The following GPC5 variants were observed in gnomAD, a reference collection of about 807,000 sequenced individuals.
The protein encoded by GPC5 is glypican 5.
A neutral mutation model predicts 53.9 loss-of-function variants in GPC5; 47 were observed. That is an observed-to-expected ratio of 0.87 (90% CI 0.69 to 1.11). GPC5 has a LOEUF of 1.11. Among genes scored for constraint, GPC5 ranks in the 50% most tolerant of loss-of-function variants. The pLI is 0.00. For synonymous variants in GPC5, 286 were observed against 263.3 expected, an observed-to-expected ratio of 1.09 and a Z score of -0.84; for missense variants, 748 against 713.1, an observed-to-expected ratio of 1.05 and a Z score of -0.56.
chr13:92,830,829 G>A (rs1390927106), intron 7 of GPC5, among the ~76,000 whole-genome samples: 1 of 152,116 alleles, frequency 6.6e-6, no homozygotes, highest in African/African-American at 2.4e-5. Context: ...TTTTTAAAAT[G>A]TGGTTAATCT....
At chr13:92,448,236 C>T (rs920576719) in intron 7 of GPC5, 4 of 151,904 alleles carry the variant, frequency 2.6e-5, no homozygotes, top group African/African-American at 9.7e-5. Context: ...ACTTTTTATT[C>T]ATCTTGGTTT....
chr13:92,050,523 G>C (rs894876063), intron 6 of GPC5, among the ~76,000 whole-genome samples: 3 of 152,170 alleles, frequency 2.0e-5, no homozygotes, highest in East Asian at 1.9e-4. Context: ...ATTTGTTTGA[G>C]ATCAGTGCCA....
intron 2 of GPC5, among the ~76,000 whole-genome samples, chr13:91,592,978 A>G (rs141580160): frequency 7.9e-5 from 12 of 152,302 alleles, no homozygotes; most frequent in Non-Finnish European, 1.6e-4. Context: ...GCCCCTGTCT[A>G]TGCTCTCCTG....
intron 7 of GPC5, among the ~76,000 whole-genome samples, chr13:92,174,020 A>T (rs935564408): frequency 6.6e-6 from 1 of 152,048 alleles, no homozygotes; most frequent in Non-Finnish European, 1.5e-5. Flanking sequence ...TGGGAGGATC[A>T]CTTGAGTCCA....
At chr13:92,304,211 T>C (rs924907283) in intron 7 of GPC5, among the ~76,000 whole-genome samples, 2 of 151,718 alleles carry the variant, frequency 1.3e-5, no homozygotes, top group Admixed American at 1.3e-4. Context: ...TTCTTTTTTT[T>C]TTTTTCTTTT....
chr13:92,626,727 G>A (rs1885058526), intron 7 of GPC5, among the ~76,000 whole-genome samples: 1 of 152,132 alleles, frequency 6.6e-6, no homozygotes, highest in African/African-American at 2.4e-5. Flanking sequence ...ATATACATGT[G>A]TAATTATAAT....
chr13:92,828,155 G>A (rs1877916864), intron 7 of GPC5, among the ~76,000 whole-genome samples: 1 of 152,072 alleles, frequency 6.6e-6, no homozygotes, highest in Non-Finnish European at 1.5e-5. Flanking sequence ...AATGCTATCT[G>A]TCCATCCCCC....
At chr13:92,739,640 C>T (rs1337591678) in intron 7 of GPC5, among the ~76,000 whole-genome samples, 1 of 151,516 alleles carries the variant, frequency 6.6e-6, no homozygotes, top group Non-Finnish European at 1.5e-5. Context: ...CGTCATCTCT[C>T]TTCAGCAACA....
At chr13:91,927,990 A>G (rs1433708197) in intron 6 of GPC5, among the ~76,000 whole-genome samples, 1 of 152,228 alleles carries the variant, frequency 6.6e-6, no homozygotes, top group Non-Finnish European at 1.5e-5. Flanking sequence ...ATCAAAATCA[A>G]TAAATAGATT....
intron 7 of GPC5, among the ~76,000 whole-genome samples, chr13:92,541,660 A>G (rs1461553575): frequency 2.6e-5 from 4 of 151,820 alleles, no homozygotes; most frequent in African/African-American, 9.7e-5. Context: ...TTCTGTTATG[A>G]AAAGTGTTTT....
chr13:91,526,719 A>G (rs1313304310), intron 2 of GPC5, among the ~76,000 whole-genome samples: 1 of 152,178 alleles, frequency 6.6e-6, no homozygotes. Context: ...ACTGTTATAA[A>G]GAACTGCCTG....
rs369574137 is a variant in GPC5 at position 92,614,532 on chromosome 13, C to T, written c.1562-251750C>T. ...CAAACCAGAGTAAGTTGGAGATCATCTGTATTGACATTTCAGGTCACTTGG... is the reference window on the plus strand; with the variant it reads ...CAAACCAGAGTAAGTTGGAGATCATTTGTATTGACATTTCAGGTCACTTGG... On this transcript the variant is annotated intron_variant, in intron 7 of 7. Transcript: ENST00000377067. Among the ~76,000 whole-genome samples the T allele has an allele frequency of 1.5e-4, 23 of 152,268 alleles. No homozygotes were observed. The South Asian group carries it at 4.8e-3, about 32-fold the overall frequency.
rs1566403343 is a variant in GPC5 at position 92,031,805 on chromosome 13, A to AATATATTACATATTATATATAATATG, written c.1402-113025_1402-113024insATATATTACATATTATATATAATATG. Among the ~76,000 whole-genome samples, 119 of 95,616 alleles carry AATATATTACATATTATATATAATATG rather than the reference A, an allele frequency of 1.2e-3. 11 individuals carry two copies. Among genetic ancestry groups the AATATATTACATATTATATATAATATG allele is most frequent in the African/African-American group, 6.4e-3 (111 of 17,454 alleles). 62.7% of individuals were successfully genotyped at this position (95,616 alleles called of 152,430 possible). A position where few individuals can be genotyped will look rare whatever the true frequency, so the allele number is the denominator to read the frequency against. ...ATATATTACATATTATATATAATAT[A>AATATATTACATATTATATATAATATG]TAATATATTACATATTATATATAAT... On this transcript the variant is annotated intron_variant, in intron 6 of 7. Transcript: ENST00000377067.
chr13:91,435,915 G>A (rs1006704059), intron 1 of GPC5, among the ~76,000 whole-genome samples: 9 of 152,110 alleles, frequency 5.9e-5, no homozygotes, highest in African/African-American at 1.9e-4. Context: ...TTTAGTCTTG[G>A]GAGGGTGTAT....
intron 5 of GPC5, among the ~76,000 whole-genome samples, chr13:91,905,369 T>G (rs2138993139): frequency 6.6e-6 from 1 of 152,058 alleles, no homozygotes; most frequent in Admixed American, 6.6e-5. Context: ...ATAATTGGTT[T>G]CCTTGTACTA....
chr13:92,189,358 G>A (rs537697504), intron 7 of GPC5, among the ~76,000 whole-genome samples: 5 of 152,204 alleles, frequency 3.3e-5, no homozygotes, highest in Non-Finnish European at 7.4e-5. Context: ...CCCAAGTGGG[G>A]CAAGGGAACT....
At chr13:92,387,488 A>C (rs1387893919) in intron 7 of GPC5, among the ~76,000 whole-genome samples, 1 of 152,114 alleles carries the variant, frequency 6.6e-6, no homozygotes, top group Non-Finnish European at 1.5e-5. Context: ...AGAAGAGTGC[A>C]TACCAGGCTG....
At chr13:92,180,036 C>G (rs571695033) in intron 7 of GPC5, among the ~76,000 whole-genome samples, 1 of 152,316 alleles carries the variant, frequency 6.6e-6, no homozygotes, top group Admixed American at 6.5e-5. Context: ...ACTAATCTCT[C>G]AGTTGTGGTG....
chr13:92,744,318 T>G (rs1366817398), intron 7 of GPC5, among the ~76,000 whole-genome samples: 2 of 151,846 alleles, frequency 1.3e-5, no homozygotes, highest in Non-Finnish European at 2.9e-5. Context: ...AGTAATGAGA[T>G]TCCTTTGGAT....
Sources: allele counts gnomAD v4.1 joint callset (sites outside exome capture counted in the v4.1 genomes callset), GRCh38; gene constraint gnomAD v4.1.1; transcripts MANE v1.5; gene names NCBI Gene and HGNC (gene_info 2026-07-23, HGNC 2026-07-21).